FAF1: variants seen among roughly 807,000 people sequenced by gnomAD.
FAF1 encodes the protein FAS-associated factor 1.
A neutral mutation model predicts 92.5 loss-of-function variants in FAF1; 25 were observed. That is an observed-to-expected ratio of 0.27 (90% CI 0.20 to 0.38). The LOEUF is 0.38. Ranked by LOEUF, FAF1 falls within the 10% of genes least tolerant of loss-of-function variation. FAF1 has a pLI of 1.00. For missense variants in FAF1, 636 were observed against 793.3 expected (o/e 0.80, Z 2.38); for synonymous variants, 234 against 273.2 (o/e 0.86, Z 1.42).
intron 4 of FAF1, among the ~76,000 whole-genome samples, chr1:50,745,711 G>C (rs1283540641): frequency 6.6e-6 from 1 of 152,188 alleles, no homozygotes; most frequent in Non-Finnish European, 1.5e-5. Flanking sequence ...CCATGGAACA[G>C]TGAGACAATT....
At chr1:50,496,488 G>A (rs991473719) in intron 15 of FAF1, among the ~76,000 whole-genome samples, 2 of 152,202 alleles carry the variant, frequency 1.3e-5, no homozygotes, top group African/African-American at 4.8e-5. Flanking sequence ...AGATGTAAAT[G>A]ATGAAGTAAT....
At chr1:50,805,348 A>G (rs949508907) in intron 2 of FAF1, among the ~76,000 whole-genome samples, 2 of 152,186 alleles carry the variant, frequency 1.3e-5, no homozygotes, top group Non-Finnish European at 2.9e-5. Context: ...CAGCCCCTAA[A>G]TTCTGTTTAG....
At chr1:50,703,436 C>A (rs557739833) in intron 7 of FAF1, among the ~76,000 whole-genome samples, 63 of 151,966 alleles carry the variant, frequency 4.1e-4, no homozygotes, top group Non-Finnish European at 8.5e-4. Flanking sequence ...AGAACTAGGC[C>A]CAGAGAGGTC....
intron 4 of FAF1, among the ~76,000 whole-genome samples, chr1:50,760,255 A>C (rs1417466158): frequency 6.6e-6 from 1 of 152,106 alleles, no homozygotes; most frequent in Non-Finnish European, 1.5e-5. Context: ...TTAACACCCC[A>C]CTGTCAACAT....
chr1:50,886,554 G>A (rs979944885), intron 1 of FAF1, among the ~76,000 whole-genome samples: 1 of 151,668 alleles, frequency 6.6e-6, no homozygotes, highest in African/African-American at 2.4e-5. Flanking sequence ...ACAGGCCCCG[G>A]TGTGTGATTT....
intron 18 of FAF1, among the ~76,000 whole-genome samples, chr1:50,449,826 A>G (rs1242059051): frequency 6.6e-6 from 1 of 151,914 alleles, no homozygotes; most frequent in Non-Finnish European, 1.5e-5. Flanking sequence ...AATCTATTCT[A>G]TTAGTTACTC....
chr1:50,663,599 T>G (rs1655489894), intron 7 of FAF1, among the ~76,000 whole-genome samples: 1 of 151,246 alleles, frequency 6.6e-6, no homozygotes, highest in East Asian at 1.9e-4. Context: ...GAGACAGGGT[T>G]TCACCGTATT....
intron 8 of FAF1, among the ~76,000 whole-genome samples, chr1:50,600,527 A>C (rs959374598): frequency 2.0e-5 from 3 of 152,122 alleles, no homozygotes; most frequent in Non-Finnish European, 4.4e-5. Flanking sequence ...ATACACACAC[A>C]AAAAAATTAA....
intron 1 of FAF1, among the ~76,000 whole-genome samples, chr1:50,923,666 TCGA>T (rs1398969528): frequency 1.3e-5 from 2 of 152,126 alleles, no homozygotes; most frequent in Non-Finnish European, 2.9e-5. Flanking sequence ...GAACATAGAT[TCGA>T]TAGAATCCTC....
chr1:50,654,967 A>ATTTC (rs1411418227), intron 8 of FAF1, among the ~76,000 whole-genome samples: 2 of 145,092 alleles, frequency 1.4e-5, no homozygotes, highest in Non-Finnish European at 3.0e-5. Context: ...GGTTTTAGAT[A>ATTTC]TTTCTTTTTT....
intron 5 of FAF1, among the ~76,000 whole-genome samples, chr1:50,739,601 T>A (rs1332636860): frequency 6.6e-6 from 1 of 152,114 alleles, no homozygotes; most frequent in South Asian, 2.1e-4. Flanking sequence ...AATATATACT[T>A]CGTTTCAGGG....
chr1:50,853,986 G>C (rs1644372215), intron 2 of FAF1, among the ~76,000 whole-genome samples: 1 of 151,850 alleles, frequency 6.6e-6, no homozygotes, highest in Non-Finnish European at 1.5e-5. Flanking sequence ...ATAATCTAGG[G>C]TACAAACCCT....
intron 1 of FAF1, among the ~76,000 whole-genome samples, chr1:50,942,749 T>G (rs1222879439): frequency 6.7e-6 from 1 of 148,272 alleles, no homozygotes; most frequent in Non-Finnish European, 1.5e-5. Flanking sequence ...TTGTCGTTGT[T>G]TTTTTTTTTT....
intron 14 of FAF1, among the ~76,000 whole-genome samples, chr1:50,537,258 T>C (rs1242616764): frequency 6.6e-6 from 1 of 152,178 alleles, no homozygotes; most frequent in Non-Finnish European, 1.5e-5. Flanking sequence ...TGACCACTAA[T>C]TTTTAGGCTT....
chr1:50,858,463 G>C (rs900134147), intron 1 of FAF1, among the ~76,000 whole-genome samples: 1 of 151,770 alleles, frequency 6.6e-6, no homozygotes, highest in East Asian at 1.9e-4. Flanking sequence ...GCCGCTCTCT[G>C]GTAGCTGCTA....
chr1:50,573,833 A>T (rs962786173), intron 12 of FAF1, among the ~76,000 whole-genome samples: 3 of 130,392 alleles, frequency 2.3e-5, no homozygotes, highest in Non-Finnish European at 5.1e-5. Flanking sequence ...AAAAAAAAAC[A>T]AAACAAAGCC....
chr1:50,775,424 T>C (rs1474804608), intron 4 of FAF1, among the ~76,000 whole-genome samples: 1 of 152,076 alleles, frequency 6.6e-6, no homozygotes, highest in Non-Finnish European at 1.5e-5. Context: ...TTAAAGCATA[T>C]ACAAAATTTT....
At chr1:50,476,162 A>G (rs1646637716) in intron 17 of FAF1, among the ~76,000 whole-genome samples, 1 of 152,248 alleles carries the variant, frequency 6.6e-6, no homozygotes, top group Non-Finnish European at 1.5e-5. Context: ...AATTCTGTTT[A>G]GGGTGATGAA....
chr1:50,912,142 C>T (rs1644890671), intron 1 of FAF1, among the ~76,000 whole-genome samples: 1 of 152,100 alleles, frequency 6.6e-6, no homozygotes, highest in Non-Finnish European at 1.5e-5. Context: ...AAAATACCAC[C>T]AACTTCAAAA....
Sources: gnomAD v4.1 joint callset for allele counts (sites outside exome capture counted in the v4.1 genomes callset) on GRCh38, gnomAD v4.1.1 for gene constraint, MANE v1.5 for transcripts, NCBI Gene and HGNC (gene_info 2026-07-23, HGNC 2026-07-21) for gene names.